ZNF704: variants seen among roughly 807,000 people sequenced by gnomAD.
ZNF704 encodes the protein glucocorticoid induced gene 1.
A neutral mutation model predicts 44.7 loss-of-function variants in ZNF704; 10 were observed. The ratio of observed to expected loss-of-function variants is 0.22; its 90% CI spans 0.14 to 0.38. The LOEUF is 0.38. ZNF704 is among the 10% of genes least tolerant of loss of function. The probability of loss-of-function intolerance (pLI) is 1.00; values close to 1 mark genes in which losing one functional copy is unlikely to be tolerated. For synonymous variants in ZNF704, 211 were observed against 207.6 expected (o/e 1.02, Z -0.14); for missense variants, 390 against 545.5 (o/e 0.71, Z 2.84).
chr8:80,794,877 T>C (rs1045131621), intron 2 of ZNF704, among the ~76,000 whole-genome samples: 1 of 152,250 alleles, frequency 6.6e-6, no homozygotes, highest in African/African-American at 2.4e-5. Context: ...CTGGTTTCTA[T>C]GATGCCATGA....
chr8:80,686,999 G>A (rs75477624), intron 4 of ZNF704, among the ~76,000 whole-genome samples: 79 of 152,282 alleles, frequency 5.2e-4, no homozygotes, highest in African/African-American at 1.9e-3. Flanking sequence ...GGATGGATGG[G>A]ATACGTGTGT....
chr8:80,819,267 A>T (rs76243031), intron 2 of ZNF704, among the ~76,000 whole-genome samples: 1 of 152,164 alleles, frequency 6.6e-6, no homozygotes. Flanking sequence ...CATTCAGTGA[A>T]CCATAAAAGG....
At chr8:80,759,284 CT>C (rs200175944) in intron 2 of ZNF704, among the ~76,000 whole-genome samples, 1,894 of 139,234 alleles carry the variant, frequency 0.014, 21 homozygotes, top group African/African-American at 0.032. Context: ...TTTCCAGGGC[CT>C]TTTTTTTTTT....
intron 2 of ZNF704, among the ~76,000 whole-genome samples, chr8:80,709,821 C>T (rs573946998): frequency 1.1e-4 from 17 of 152,252 alleles, no homozygotes; most frequent in African/African-American, 3.6e-4. Flanking sequence ...CGGTGGCTGC[C>T]GTGGATCTGA....
intron 2 of ZNF704, among the ~76,000 whole-genome samples, chr8:80,708,152 C>A (rs989989295): frequency 1.3e-5 from 2 of 152,168 alleles, no homozygotes; most frequent in Non-Finnish European, 2.9e-5. Context: ...GTAATTCTGT[C>A]ATTTAAAAAT....
chr8:80,758,099 T>C (rs777902664), intron 2 of ZNF704, among the ~76,000 whole-genome samples: 13 of 152,206 alleles, frequency 8.5e-5, no homozygotes, highest in East Asian at 3.8e-4. Context: ...TTGGAGCAAT[T>C]TGTATCAATA....
At chr8:80,646,035 A>C (rs560011306) in intron 7 of ZNF704, among the ~76,000 whole-genome samples, 58 of 152,206 alleles carry the variant, frequency 3.8e-4, no homozygotes, top group Non-Finnish European at 7.8e-4. Flanking sequence ...CTGCCATGTG[A>C]TGATGCAGCA....
chr8:80,811,565 TA>T (rs1808083063), intron 2 of ZNF704, among the ~76,000 whole-genome samples: 1 of 152,238 alleles, frequency 6.6e-6, no homozygotes, highest in African/African-American at 2.4e-5. Flanking sequence ...TGCCAATTTA[TA>T]ACCCTCATAC....
At chr8:80,822,374 C>T (rs1247758637) in intron 1 of ZNF704, among the ~76,000 whole-genome samples, 1 of 148,874 alleles carries the variant, frequency 6.7e-6, no homozygotes, top group Non-Finnish European at 1.5e-5. Flanking sequence ...ATGTGATGAA[C>T]TCATCCTTTT....
chr8:80,743,055 G>A (rs1806788024), intron 2 of ZNF704, among the ~76,000 whole-genome samples: 1 of 151,918 alleles, frequency 6.6e-6, no homozygotes, highest in Admixed American at 6.6e-5. Context: ...AACATCTATC[G>A]CCTGCCTGAG....
chr8:80,715,015 C>CT (rs1239163107), intron 2 of ZNF704, among the ~76,000 whole-genome samples: 1 of 152,158 alleles, frequency 6.6e-6, no homozygotes, highest in Non-Finnish European at 1.5e-5. Context: ...ATACTGATCA[C>CT]ATTTCTTGGC....
At chr8:80,654,276 A>G (rs1286933438) in intron 7 of ZNF704, among the ~76,000 whole-genome samples, 1 of 152,234 alleles carries the variant, frequency 6.6e-6, no homozygotes, top group African/African-American at 2.4e-5. Context: ...GGACATAGGC[A>G]TGGACAAGGA....
chr8:80,815,559 CTT>C lies in ZNF704; in HGVS notation c.221+5813_221+5814del, dbSNP rs147445755. Among the ~76,000 whole-genome samples, 593 of 152,238 alleles carry C rather than the reference CTT, an allele frequency of 3.9e-3. 5 individuals carry two copies. Among genetic ancestry groups the C allele is most frequent in the African/African-American group, 0.014 (562 of 41,550 alleles). On this transcript the variant is annotated intron_variant, in intron 2 of 8. Coordinates refer to ENST00000327835, the MANE Select transcript of ZNF704 (RefSeq NM_001033723.3). ...AGGCTGGACAATAAGTAATAATTGA[CTT>C]ATCAATATATTTTGAGCATTACATT...
At chr8:80,845,753 T>C (rs1056723616) in intron 1 of ZNF704, among the ~76,000 whole-genome samples, 1 of 152,150 alleles carries the variant, frequency 6.6e-6, no homozygotes, top group Non-Finnish European at 1.5e-5. Flanking sequence ...CTAGGGCCAT[T>C]TGATCCAGAT....
intron 1 of ZNF704, among the ~76,000 whole-genome samples, chr8:80,862,843 C>T (rs1246521447): frequency 6.7e-6 from 1 of 149,730 alleles, no homozygotes; most frequent in African/African-American, 2.5e-5. Flanking sequence ...TAAAAGCACA[C>T]TTTCAGAGCC....
chr8:80,679,603 G>A (rs1004893582), intron 4 of ZNF704, among the ~76,000 whole-genome samples: 2 of 152,164 alleles, frequency 1.3e-5, no homozygotes, highest in African/African-American at 2.4e-5. Flanking sequence ...TCACACCAGT[G>A]GAAAGCACTT....
At chr8:80,669,004 A>G (rs1322228569) in intron 5 of ZNF704, among the ~76,000 whole-genome samples, 1 of 152,266 alleles carries the variant, frequency 6.6e-6, no homozygotes, top group Middle Eastern at 3.4e-3. Context: ...GCACATCAGG[A>G]AAAAGGGGAT....
intron 2 of ZNF704, chr8:80,694,189 C>T (rs1184780284): frequency 6.6e-6 from 1 of 152,138 alleles, no homozygotes; most frequent in African/African-American, 2.4e-5. Context: ...TTTAAAACTA[C>T]TTACTATAGA....
At chr8:80,680,220 A>C (rs916005596) in intron 4 of ZNF704, among the ~76,000 whole-genome samples, 4 of 152,210 alleles carry the variant, frequency 2.6e-5, no homozygotes, top group Non-Finnish European at 5.9e-5. Flanking sequence ...ACATTTTTGA[A>C]GTGCTTCAAA....
Sources: gnomAD v4.1 joint callset for allele counts (sites outside exome capture counted in the v4.1 genomes callset) on GRCh38, gnomAD v4.1.1 for gene constraint, MANE v1.5 for transcripts, NCBI Gene and HGNC (gene_info 2026-07-23, HGNC 2026-07-21) for gene names.